Variants in PANK2 observed in about 807,000 individuals in gnomAD.
PANK2 encodes pantothenate kinase 2, mitochondrial.
A neutral mutation model predicts 43.1 loss-of-function variants in PANK2; 36 were observed. The observed-to-expected ratio is 0.84, with a 90% CI of 0.64 to 1.10. The LOEUF is 1.10. PANK2 is among the 50% of genes least tolerant of loss of function. PANK2 has a pLI of 0.00. For synonymous variants in PANK2, 281 were observed against 238.2 expected (o/e 1.18, Z -1.66); for missense variants, 576 against 593.3 (o/e 0.97, Z 0.30).
At chr20:3,890,076 C>G (rs538200678) in intron 1 of PANK2, 4 of 562,868 alleles carry the variant, frequency 7.1e-6, no homozygotes, top group Non-Finnish European at 1.2e-5. Flanking sequence ...CACCTCCTTT[C>G]CTCCCAAATC....
At chr20:3,892,933 G>T (rs1436121537) in intron 1 of PANK2, among the ~76,000 whole-genome samples, 1 of 152,030 alleles carries the variant, frequency 6.6e-6, no homozygotes, top group African/African-American at 2.4e-5. Flanking sequence ...CAAAAGTTTT[G>T]CATCAGGTGG....
rs6037695 is a variant in PANK2 at position 3,925,083 on chromosome 20, C to T, written c.*1789C>T. ...AAAAGAGTAGAGCTGGACTCAAACCCGGGACTGTCTGTCTCTGGTGCCTGA... is the reference window on the plus strand; with the variant it reads ...AAAAGAGTAGAGCTGGACTCAAACCTGGGACTGTCTGTCTCTGGTGCCTGA... On this transcript the variant is annotated 3_prime_UTR_variant, in exon 7 of 7. Coordinates refer to ENST00000610179, the MANE Select transcript of PANK2 (RefSeq NM_001386393.1). The T allele has an allele frequency of 0.38, 57,475 of 152,290 alleles. 11,247 individuals carry two copies. Among genetic ancestry groups the T allele is most frequent in the Non-Finnish European group, 0.42 (28,845 of 68,108 alleles). The allele number at this position is 152,290 out of a possible 1,614,324, so 9.4% of individuals were successfully genotyped here.
intron 1 of PANK2, among the ~76,000 whole-genome samples, chr20:3,894,371 G>T (rs1259917458): frequency 1.3e-5 from 2 of 151,564 alleles, no homozygotes; most frequent in African/African-American, 4.9e-5. Context: ...CTCCCGAATA[G>T]CTGGGATTAC....
chr20:3,891,822 A>G (rs1348286202), intron 1 of PANK2, among the ~76,000 whole-genome samples: 1 of 152,230 alleles, frequency 6.6e-6, no homozygotes, highest in Non-Finnish European at 1.5e-5. Context: ...GTAGTTTTGA[A>G]ACTTATTTTA....
At chr20:3,889,124 C>A (rs1216238658), upstream of PANK2, 1 of 1,553,322 alleles carries the variant, frequency 6.4e-7, no homozygotes, top group South Asian at 1.2e-5. Context: ...GGCCCTTCCA[C>A]CCACGCGTCC....
intron 4 of PANK2, among the ~76,000 whole-genome samples, chr20:3,913,241 C>T (rs1157482019): frequency 6.6e-6 from 1 of 152,162 alleles, no homozygotes; most frequent in Admixed American, 6.6e-5. Context: ...TAAGTGGTAT[C>T]ATACAGTATA....
chr20:3,913,524 A>G (rs1001200205), intron 4 of PANK2, among the ~76,000 whole-genome samples: 5 of 151,682 alleles, frequency 3.3e-5, no homozygotes, highest in African/African-American at 1.2e-4. Context: ...TGTATTTTTT[A>G]GTAGGGAAAG....
Position 3,928,384 on chromosome 20 carries a change from A to G in PANK2, c.*5090A>G, listed in dbSNP as rs896074522. ...GGCAGCTGCTGGGAAGCGAGGCACA[A>G]GTCTGTGCCCCTACTCCCAGGGCTG... is the stretch of plus-strand genomic sequence containing the variant. On this transcript the variant is annotated 3_prime_UTR_variant, in exon 7 of 7. Transcript: ENST00000610179. 1 of 152,234 alleles carries G rather than the reference A, an allele frequency of 6.6e-6. No individual in the cohort carries two copies. The highest frequency in any genetic ancestry group is 2.4e-5 in the African/African-American group (1 of 41,444). The allele number at this position is 152,234 out of a possible 1,614,324, so 9.4% of individuals were successfully genotyped here.
chr20:3,925,921 C>T lies in PANK2; in HGVS notation c.*2627C>T, dbSNP rs2090713817. ...AGGTGCCCATAAACTCTGCTGTTAC[C>T]ATTGCCACTTCCCTGTCTTAGCAGC... On this transcript the variant is annotated 3_prime_UTR_variant, in exon 7 of 7. Transcript: ENST00000610179. 6.6e-6 allele frequency: 1 copy of T among 152,400 alleles called. No individual in the cohort carries two copies. The allele number at this position is 152,400 out of a possible 1,614,324, so 9.4% of individuals were successfully genotyped here.
chr20:3,889,347 T>G, upstream of PANK2: 2 of 1,586,568 alleles, frequency 1.3e-6, no homozygotes, highest in South Asian at 1.1e-5. Flanking sequence ...TCCTGCGCGT[T>G]GGCGCAACGG....
At chr20:3,905,497 C>T (rs1449055042) in intron 1 of PANK2, among the ~76,000 whole-genome samples, 19 of 151,784 alleles carry the variant, frequency 1.3e-4, no homozygotes. Flanking sequence ...CAGGCGCCCG[C>T]CACCACGCCC....
At chr20:3,912,276 A>G (rs895617945) in intron 3 of PANK2, among the ~76,000 whole-genome samples, 182 bp from the exon 4 acceptor site, 2 of 152,294 alleles carry the variant, frequency 1.3e-5, no homozygotes, top group African/African-American at 2.4e-5. Context: ...GTTGGCTCAC[A>G]TGCATATGTA....
At chr20:3,889,095 G>A (rs749559018), upstream of PANK2, 2 of 1,538,624 alleles carry the variant, frequency 1.3e-6, 1 homozygote, top group South Asian at 2.4e-5. Context: ...CGGAAGGAGG[G>A]GGTGGATGAG....
chr20:3,896,635 A>T (rs2090213780), intron 1 of PANK2, among the ~76,000 whole-genome samples: 1 of 152,018 alleles, frequency 6.6e-6, no homozygotes, highest in South Asian at 2.1e-4. Flanking sequence ...TAAGTTGATC[A>T]CCAGTGGACA....
intron 6 of PANK2, among the ~76,000 whole-genome samples, chr20:3,920,810 A>G (rs1363956677): frequency 6.6e-6 from 1 of 152,212 alleles, no homozygotes; most frequent in Non-Finnish European, 1.5e-5. Context: ...GCACCACTGC[A>G]CTCCAGCCTG....
intron 4 of PANK2, among the ~76,000 whole-genome samples, chr20:3,915,588 G>A (rs2090547184): frequency 1.3e-5 from 2 of 152,280 alleles, no homozygotes; most frequent in South Asian, 4.1e-4. Flanking sequence ...GAGCCACCAC[G>A]CCCGCCAGTT....
chr20:3,918,613 T>A, intron 5 of PANK2, 58 bp from the exon 6 acceptor site: 3 of 1,611,006 alleles, frequency 1.9e-6, no homozygotes, highest in African/African-American at 2.7e-5. Context: ...TTGGGGTAGC[T>A]TTTATGAGAA....
chr20:3,889,191 G>GGAACCCGGATCCCCTCCTCCACC, upstream of PANK2: 1 of 1,611,692 alleles, frequency 6.2e-7, no homozygotes, highest in South Asian at 1.1e-5. Flanking sequence ...CTTCCTCCGC[G>GGAACCCGGATCCCCTCCTCCACC]GAACCCGGAT....
In PANK2 at chr20:3,889,701, G is replaced by A. The variant is rs1488433091; in HGVS notation, c.271G>A (p.Val91Ile). Residue 91 changes from valine to isoleucine, a missense_variant, in exon 1 of 7, where the codon GTC becomes ATC. By Grantham distance (29) the Val-to-Ile change is conservative. Coordinates refer to ENST00000610179, the MANE Select transcript of PANK2 (RefSeq NM_001386393.1). ...CCCCACCTCGGTCTCCCGCCAGCGC[G>A]TCGAAAGCCTGAGGAAAAAGCGGCC... 8 of 1,596,302 alleles carry A rather than the reference G, an allele frequency of 5.0e-6. No homozygotes were observed. The highest frequency in any genetic ancestry group is 6.8e-6 in the Non-Finnish European group (8 of 1,179,130).
Sources: allele counts gnomAD v4.1 joint callset (sites outside exome capture counted in the v4.1 genomes callset), GRCh38; gene constraint gnomAD v4.1.1; transcripts MANE v1.5; gene names NCBI Gene and HGNC (gene_info 2026-07-23, HGNC 2026-07-21).